The following PLPP1 variants were observed in gnomAD, a reference collection of about 807,000 sequenced individuals.
PLPP1 encodes phospholipid phosphatase 1, also known as lipid phosphate phosphohydrolase 1a.
A neutral mutation model predicts 31.2 loss-of-function variants in PLPP1; 24 were observed. The ratio of observed to expected loss-of-function variants is 0.77; its 90% CI spans 0.56 to 1.08. PLPP1 has a LOEUF of 1.08. Ranked by LOEUF, PLPP1 falls within the 50% of genes least tolerant of loss-of-function variation. The pLI is 0.00. For synonymous variants in PLPP1, 146 were observed against 126.3 expected, an observed-to-expected ratio of 1.16 and a Z score of -1.05; for missense variants, 319 against 342.7, an observed-to-expected ratio of 0.93 and a Z score of 0.55.
intron 1 of PLPP1, among the ~76,000 whole-genome samples, chr5:55,533,024 A>C (rs1740732518): frequency 6.6e-6 from 1 of 151,480 alleles, no homozygotes; most frequent in Non-Finnish European, 1.5e-5. Flanking sequence ...CCTAAAACTC[A>C]CTGTGGACCT....
intron 1 of PLPP1, among the ~76,000 whole-genome samples, chr5:55,533,265 C>A (rs1015687880): frequency 1.3e-5 from 2 of 151,636 alleles, no homozygotes; most frequent in African/African-American, 4.8e-5. Context: ...TGCCTGTAAT[C>A]CCAGCTACTA....
At chr5:55,526,747 A>T (rs1256415537) in intron 1 of PLPP1, among the ~76,000 whole-genome samples, 1 of 152,030 alleles carries the variant, frequency 6.6e-6, no homozygotes, top group African/African-American at 2.4e-5. Flanking sequence ...CCTGGCTAAC[A>T]CGGTGAAACC....
chr5:55,476,033 C>A (rs375493966), intron 1 of PLPP1, among the ~76,000 whole-genome samples: 5 of 146,954 alleles, frequency 3.4e-5, no homozygotes, highest in Non-Finnish European at 5.9e-5. Flanking sequence ...GGCTAGAGTG[C>A]GATGGTGCGA....
At chr5:55,530,581 A>G in intron 1 of PLPP1, 1 of 1,321,062 alleles carries the variant, frequency 7.6e-7, no homozygotes, top group South Asian at 1.2e-5. Flanking sequence ...TACTTCTTAC[A>G]AGATTTGCAA....
intron 1 of PLPP1, among the ~76,000 whole-genome samples, chr5:55,518,559 C>T (rs1388030827): frequency 2.6e-5 from 4 of 152,156 alleles, no homozygotes; most frequent in Admixed American, 2.6e-4. Flanking sequence ...GCCTACACTA[C>T]TTTGTGTCAG....
intron 3 of PLPP1, among the ~76,000 whole-genome samples, chr5:55,448,419 AACTCAAGG>A (rs2111730663): frequency 6.6e-6 from 1 of 151,256 alleles, no homozygotes; most frequent in East Asian, 1.9e-4. Context: ...CACTGCCGGA[AACTCAAGG>A]ACCCAAGGAA....
Position 55,534,779 on chromosome 5 carries a change from T to A in PLPP1, c.-150A>T. 3.7e-6 allele frequency: 3 copies of A among 801,892 alleles called. No individual in the cohort carries two copies. The highest frequency in any genetic ancestry group is 4.1e-5 in the South Asian group (2 of 48,870). 49.7% of individuals were successfully genotyped at this position (801,892 alleles called of 1,614,324 possible). ...AGGAGGAGAGCAGCCGAGGGCGGGC[T>A]GAGACCGGGCGGCGCTCCCACCGCC... On this transcript the variant is annotated 5_prime_UTR_variant, in exon 1 of 6. Transcript: ENST00000307259.
At chr5:55,458,849 C>T (rs989838334) in intron 3 of PLPP1, among the ~76,000 whole-genome samples, 1 of 129,808 alleles carries the variant, frequency 7.7e-6, no homozygotes, top group Non-Finnish European at 1.6e-5. Context: ...GATTATGCCA[C>T]TGCACTCCAG....
At chr5:55,519,256 C>A (rs189681559) in intron 1 of PLPP1, among the ~76,000 whole-genome samples, 2 of 152,274 alleles carry the variant, frequency 1.3e-5, no homozygotes, top group East Asian at 3.9e-4. Flanking sequence ...ATTTAAGAAA[C>A]CTTTTCTCCA....
At chr5:55,512,328 A>G (rs886782876) in intron 1 of PLPP1, among the ~76,000 whole-genome samples, 10 of 145,784 alleles carry the variant, frequency 6.9e-5, no homozygotes, top group East Asian at 6.3e-4. Flanking sequence ...AAAATTAGCC[A>G]GGCGTGGTGG....
intron 3 of PLPP1, among the ~76,000 whole-genome samples, chr5:55,445,122 C>A (rs1435922622): frequency 6.6e-6 from 1 of 152,152 alleles, no homozygotes; most frequent in Non-Finnish European, 1.5e-5. Flanking sequence ...ACCCCCTTCT[C>A]AGAGCTGATT....
chr5:55,437,940 A>G (rs1438329866), intron 4 of PLPP1, among the ~76,000 whole-genome samples: 1 of 152,240 alleles, frequency 6.6e-6, no homozygotes, highest in Non-Finnish European at 1.5e-5. Flanking sequence ...AATCTTAAGG[A>G]AAGTGGATAG....
At chr5:55,529,775 G>A (rs1016603886) in intron 1 of PLPP1, among the ~76,000 whole-genome samples, 8 of 132,364 alleles carry the variant, frequency 6.0e-5, no homozygotes, top group South Asian at 2.5e-4. Context: ...ATATCACATC[G>A]TTCAAAATTT....
chr5:55,467,185 AT>A (rs1752320721), intron 3 of PLPP1, among the ~76,000 whole-genome samples: 1 of 152,202 alleles, frequency 6.6e-6, no homozygotes, highest in Non-Finnish European at 1.5e-5. Context: ...TAAACTAAGA[AT>A]ACTAAGATCT....
intron 5 of PLPP1, 55 bp from the exon 6 acceptor site, chr5:55,425,389 A>T: frequency 4.1e-6 from 6 of 1,473,698 alleles, no homozygotes; most frequent in Non-Finnish European, 5.6e-6. Flanking sequence ...AACTACATAC[A>T]AAGTTGTGAT....
intron 1 of PLPP1, among the ~76,000 whole-genome samples, chr5:55,480,657 A>G (rs1296480025): frequency 1.3e-5 from 2 of 152,166 alleles, no homozygotes; most frequent in Non-Finnish European, 2.9e-5. Flanking sequence ...ATTCAGTTGT[A>G]TGTATATACC....
At position 55,425,229 on chromosome 5, in the gene PLPP1, A is replaced by C. The variant is rs930125660; in HGVS notation, c.832T>G (p.Tyr278Asp). ...TTTCAAGGCTGGTGATTGCTCGGAT[A>C]GTGATTCCCAGTTGTTGGTGTTTCA... The part of the protein sequence containing the change: ...LHETPTTGNH[Y>D]PSNHQP The change falls in exon 6 of 6, where the codon TAT becomes GAT. Residue 278 changes from tyrosine to aspartate, a missense_variant. Coordinates refer to ENST00000307259, the MANE Select transcript of PLPP1 (RefSeq NM_003711.4). 1 of 1,613,912 alleles carries C rather than the reference A, an allele frequency of 6.2e-7. No homozygotes were observed. The highest frequency in any genetic ancestry group is 8.5e-7 in the Non-Finnish European group (1 of 1,179,942).
chr5:55,445,535 CTTTTTTTTTT>C (rs753276317), intron 3 of PLPP1, among the ~76,000 whole-genome samples: 2 of 79,622 alleles, frequency 2.5e-5, no homozygotes, highest in African/African-American at 1.0e-4. Context: ...TGCATTCACT[CTTTTTTTTTT>C]TTTTTTTTTT....
intron 4 of PLPP1, among the ~76,000 whole-genome samples, chr5:55,434,679 C>T (rs1174021921): frequency 1.3e-5 from 2 of 152,192 alleles, no homozygotes; most frequent in Non-Finnish European, 2.9e-5. Context: ...ACAATAGAGA[C>T]AGTCTCGTCA....
Sources: allele counts gnomAD v4.1 joint callset (sites outside exome capture counted in the v4.1 genomes callset), GRCh38; gene constraint gnomAD v4.1.1; transcripts MANE v1.5; gene names NCBI Gene and HGNC (gene_info 2026-07-23, HGNC 2026-07-21).